The following ASPG variants were observed in gnomAD, a reference collection of about 807,000 sequenced individuals.
ASPG encodes asparaginase.
Under a neutral mutation model 63.2 loss-of-function variants are expected in ASPG, and 53 were observed. The observed-to-expected ratio is 0.84, with a 90% CI of 0.67 to 1.05. The LOEUF (loss-of-function observed/expected upper bound fraction) is 1.05, where lower values mean the gene tolerates loss of function less well. Ranked by LOEUF, ASPG falls within the 50% of genes least tolerant of loss-of-function variation. The pLI, the probability that ASPG is intolerant of heterozygous loss-of-function variation, is 0.00. For missense variants in ASPG, 741 were observed against 794.4 expected (o/e 0.93, Z 0.81); for synonymous variants, 370 against 355.0 (o/e 1.04, Z -0.48).
chr14:104,110,928 G>C lies in ASPG; in HGVS notation c.1521-574G>C, dbSNP rs1438461177. Reference sequence around the variant, plus strand: ...CCAGGGCAGGTGGGCCCAGACCCCTGTCCCAGCCAGGACCCCCCCATGCAG... The same window carrying C: ...CCAGGGCAGGTGGGCCCAGACCCCTCTCCCAGCCAGGACCCCCCCATGCAG... On this transcript the variant is annotated intron_variant, in intron 13 of 15. Coordinates refer to ENST00000551177, the MANE Select transcript of ASPG (RefSeq NM_001080464.3). The surrounding 1 kb of genome is among the most constrained non-coding windows in gnomAD (Gnocchi z 4.7). 2 of 985,300 alleles carry C rather than the reference G, an allele frequency of 2.0e-6. No individual in the cohort carries two copies. Among genetic ancestry groups the C allele is most frequent in the Non-Finnish European group, 2.4e-6 (2 of 829,918 alleles). 61.0% of individuals were successfully genotyped at this position (985,300 alleles called of 1,614,324 possible).
Position 104,107,173 on chromosome 14 carries a change from T to A in ASPG, c.1270-9T>A. The A allele has an allele frequency of 6.5e-7, 1 of 1,547,662 alleles. No homozygotes were observed. The highest frequency in any genetic ancestry group is 8.7e-7 in the Non-Finnish European group (1 of 1,144,480). ...CCCTCAGGGGTCGCATGTCCTTGTG[T>A]TACTCCAGGGCAGTGACCTGGGCCT... On this transcript the variant is annotated splice_polypyrimidine_tract_variant and intron_variant, in intron 11 of 15. Coordinates refer to ENST00000551177, the MANE Select transcript of ASPG (RefSeq NM_001080464.3).
chr14:104,088,276 C>T (rs936303771), intron 1 of ASPG, among the ~76,000 whole-genome samples: 10 of 152,168 alleles, frequency 6.6e-5, no homozygotes, highest in African/African-American at 2.4e-4. Flanking sequence ...AAACAGTGAC[C>T]TGTGGGTGGA....
chr14:104,089,343 G>A (rs1391324220), intron 1 of ASPG, among the ~76,000 whole-genome samples: 1 of 151,330 alleles, frequency 6.6e-6, no homozygotes, highest in African/African-American at 2.4e-5. Flanking sequence ...GTGAAACCCT[G>A]TCTCTACTAA....
chr14:104,093,328 C>T lies in ASPG; in HGVS notation c.192-163C>T, dbSNP rs139117516. On this transcript the variant is annotated intron_variant, in intron 2 of 15. Transcript: ENST00000551177. ...GGGGAGCTCCAGGTGGAAGGGGGGC[C>T]GGGCCCCGTACCTGGGATGCTGAGA... The T allele has an allele frequency of 1.4e-3, 1,007 of 698,932 alleles. 7 individuals are homozygous for T. The African/African-American group carries it at 0.015, about 11-fold the overall frequency. The allele number at this position is 698,932 out of a possible 1,614,324, so 43.3% of individuals were successfully genotyped here. A position where few individuals can be genotyped will look rare whatever the true frequency, so the allele number is the denominator to read the frequency against.
At chr14:104,111,856 G>T in intron 14 of ASPG, 64 bp from the exon 15 acceptor site, 1 of 1,483,410 alleles carries the variant, frequency 6.7e-7, no homozygotes, top group Admixed American at 2.0e-5. Flanking sequence ...TGGGGATGGG[G>T]ATCCTTGGGC....
At chr14:104,085,896 G>A in intron 1 of ASPG, 44 bp downstream of exon 1, 1 of 1,523,538 alleles carries the variant, frequency 6.6e-7, no homozygotes, top group Non-Finnish European at 8.8e-7. Context: ...GGACCTGGCC[G>A]CGACCGGGAG....
intron 1 of ASPG, among the ~76,000 whole-genome samples, chr14:104,087,618 G>A (rs1051576992): frequency 3.3e-5 from 5 of 152,230 alleles, no homozygotes; most frequent in Non-Finnish European, 5.9e-5. Flanking sequence ...CCCCCGAGTG[G>A]GGACAGGACC....
chr14:104,106,617 G>A (rs912437545), intron 10 of ASPG, among the ~76,000 whole-genome samples, 182 bp from the exon 11 acceptor site: 1 of 152,116 alleles, frequency 6.6e-6, no homozygotes, highest in Non-Finnish European at 1.5e-5. Context: ...TGGATGGGGT[G>A]GGGTGGTGAG....
In ASPG at chr14:104,104,609, C is replaced by T; in HGVS notation, c.937-13C>T. On this transcript the variant is annotated splice_polypyrimidine_tract_variant and intron_variant, in intron 8 of 15. Coordinates refer to ENST00000551177, the MANE Select transcript of ASPG (RefSeq NM_001080464.3). ...TGAGTCGCCCTTCCTGCCCACACGC[C>T]CCCTCCTCACAGGCCATGGCGGGAG... 1.9e-6 allele frequency: 3 copies of T among 1,600,258 alleles called. No homozygotes were observed. Among genetic ancestry groups the T allele is most frequent in the Non-Finnish European group, 2.6e-6 (3 of 1,172,160 alleles).
Position 104,091,427 on chromosome 14 carries a change from G to A in ASPG, c.83-1206G>A, listed in dbSNP as rs1034836989. Among the ~76,000 whole-genome samples the A allele has an allele frequency of 2.0e-5, 3 of 152,158 alleles. No individual in the cohort carries two copies. The highest frequency in any genetic ancestry group is 6.5e-5 in the Admixed American group (1 of 15,274). ...CGTCTGCTGGCTGAGCCCTACTGGCGGGGTGATTTTGTCAGCGGCTGCACC... is the reference window on the plus strand; with the variant it reads ...CGTCTGCTGGCTGAGCCCTACTGGCAGGGTGATTTTGTCAGCGGCTGCACC... On this transcript the variant is annotated intron_variant, in intron 1 of 15. Transcript: ENST00000551177. This position sits in a 1 kb window ranked among gnomAD's most constrained non-coding sequence, Gnocchi z 6.4.
chr14:104,106,795 C>T lies in ASPG; in HGVS notation c.1174-4C>T. 1 of 1,590,132 alleles carries T rather than the reference C, an allele frequency of 6.3e-7. No homozygotes were observed. The highest frequency in any genetic ancestry group is 8.5e-7 in the Non-Finnish European group (1 of 1,169,738). On this transcript the variant is annotated splice_region_variant and splice_polypyrimidine_tract_variant and intron_variant, in intron 10 of 15. Transcript: ENST00000551177. ...GGTCCCAGGGTGCCGCCTTCCCCAC[C>T]TAGGAGGCAGATGCCCTGCGGAATG...
At position 104,091,116 on chromosome 14, in the gene ASPG, C is replaced by T. The variant is rs1293020787; in HGVS notation, c.83-1517C>T. 2.6e-5 allele frequency among the ~76,000 whole-genome samples: 4 copies of T among 151,830 alleles called. No individual in the cohort carries two copies. Among genetic ancestry groups the T allele is most frequent in the East Asian group, 1.9e-4 (1 of 5,166 alleles). On this transcript the variant is annotated intron_variant, in intron 1 of 15. Coordinates refer to ENST00000551177, the MANE Select transcript of ASPG (RefSeq NM_001080464.3). This position sits in a 1 kb window ranked among gnomAD's most constrained non-coding sequence, Gnocchi z 6.4. Reference sequence around the variant, plus strand: ...CCAGACCTCAAGCAATCTGACACCTCGGCCACCCAAAGTGCTGGGATTCCA... The same window carrying T: ...CCAGACCTCAAGCAATCTGACACCTTGGCCACCCAAAGTGCTGGGATTCCA...
intron 3 of ASPG, among the ~76,000 whole-genome samples, chr14:104,094,878 C>G (rs1201378027): frequency 6.6e-6 from 1 of 152,222 alleles, no homozygotes; most frequent in Non-Finnish European, 1.5e-5. Context: ...GTTCCCAGGC[C>G]TACGGGGCTT....
chr14:104,112,984 T>C lies in ASPG; in HGVS notation c.*440T>C. On this transcript the variant is annotated 3_prime_UTR_variant, in exon 16 of 16. Coordinates refer to ENST00000551177, the MANE Select transcript of ASPG (RefSeq NM_001080464.3). ...ACCCTCTGCCCATCTCCTTACCTCC[T>C]GCGCCTTCATTCTGGAGCTTGAAGT... 1 of 238,090 alleles carries C rather than the reference T, an allele frequency of 4.2e-6. No individual in the cohort carries two copies. The highest frequency in any genetic ancestry group is 2.3e-5 in the African/African-American group (1 of 44,408). 14.7% of individuals were successfully genotyped at this position (238,090 alleles called of 1,614,324 possible). A position where few individuals can be genotyped will look rare whatever the true frequency, so the allele number is the denominator to read the frequency against.
intron 6 of ASPG, among the ~76,000 whole-genome samples, chr14:104,101,871 A>G (rs1169850504): frequency 6.6e-6 from 1 of 152,172 alleles, no homozygotes; most frequent in African/African-American, 2.4e-5. Context: ...ACAGGGCCAT[A>G]GCCCCTCTTG....
intron 12 of ASPG, chr14:104,108,549 G>C (rs1440533556): frequency 1.0e-6 from 1 of 985,296 alleles, no homozygotes; most frequent in Admixed American, 6.1e-5. Flanking sequence ...ATGGGGTGAT[G>C]GGGGGATCTG....
At chr14:104,093,186 C>A (rs2036426677) in intron 2 of ASPG, 1 of 524,272 alleles carries the variant, frequency 1.9e-6, no homozygotes, top group Non-Finnish European at 3.5e-6. Flanking sequence ...CACAGGCGAG[C>A]CTCCTGCAAG....
chr14:104,098,127 C>T (rs4018039), intron 5 of ASPG, among the ~76,000 whole-genome samples: 1 of 26,722 alleles, frequency 3.7e-5, no homozygotes, highest in African/African-American at 1.2e-4. Context: ...TGGAGGTTCT[C>T]CGTTAGAGAT....
intron 9 of ASPG, chr14:104,105,045 G>T: frequency 1.7e-6 from 1 of 583,734 alleles, no homozygotes; most frequent in Non-Finnish European, 3.0e-6. Context: ...TTCCTCGAGG[G>T]TGGGGTTCAG....
Sources: gnomAD v4.1 joint callset for allele counts (sites outside exome capture counted in the v4.1 genomes callset) on GRCh38, gnomAD v4.1.1 for gene constraint, Gnocchi (gnomAD v3.1) non-coding constraint, MANE v1.5 for transcripts, NCBI Gene and HGNC (gene_info 2026-07-23, HGNC 2026-07-21) for gene names.